The following COL19A1 variants were observed in gnomAD, a reference collection of about 807,000 sequenced individuals.
The protein encoded by COL19A1 is collagen type XIX alpha 1 chain, also known as collagen alpha-1(XIX) chain.
COL19A1 carries 159 observed loss-of-function variants against 190.2 expected under a neutral mutation model. The observed-to-expected ratio is 0.84, with a 90% confidence interval of 0.73 to 0.95. The LOEUF is 0.95. Ranked by LOEUF, COL19A1 falls within the 40% of genes least tolerant of loss-of-function variation. The probability of loss-of-function intolerance (pLI) is 0.00; values close to 1 mark genes in which losing one functional copy is unlikely to be tolerated. For missense variants in COL19A1, 1,418 were observed against 1,431.9 expected (o/e 0.99, Z 0.16); for synonymous variants, 509 against 458.9 (o/e 1.11, Z -1.39).
intron 14 of COL19A1, among the ~76,000 whole-genome samples, chr6:70,063,448 A>C (rs1780970009): frequency 1.3e-5 from 2 of 152,216 alleles, no homozygotes; most frequent in Admixed American, 1.3e-4. Context: ...ACAAAGACAC[A>C]ACATACCAGA....
intron 15 of COL19A1, among the ~76,000 whole-genome samples, chr6:70,073,944 A>T (rs376935198): frequency 1.5e-4 from 23 of 152,360 alleles, no homozygotes; most frequent in African/African-American, 5.3e-4. Context: ...GTAATGAATT[A>T]TGTTATTAAT....
intron 12 of COL19A1, 53 bp from the exon 13 acceptor site, chr6:70,034,192 G>C: frequency 1.6e-6 from 2 of 1,241,644 alleles, no homozygotes; most frequent in Non-Finnish European, 2.4e-6. Context: ...CTAATGACTT[G>C]TTAGAAATTA....
intron 20 of COL19A1, among the ~76,000 whole-genome samples, 198 bp from the exon 21 acceptor site, chr6:70,141,695 G>A (rs998748169): frequency 6.6e-6 from 1 of 151,974 alleles, no homozygotes; most frequent in African/African-American, 2.4e-5. Context: ...TTATAATGAA[G>A]AAATCAAGAA....
At chr6:69,960,857 T>C (rs1774749533) in intron 10 of COL19A1, among the ~76,000 whole-genome samples, 1 of 151,996 alleles carries the variant, frequency 6.6e-6, no homozygotes, top group Admixed American at 6.6e-5. Flanking sequence ...GGTCTCGATC[T>C]CCTGACCTCG....
chr6:70,160,364 A>G (rs991372819), intron 34 of COL19A1, among the ~76,000 whole-genome samples: 1 of 152,084 alleles, frequency 6.6e-6, no homozygotes, highest in Non-Finnish European at 1.5e-5. Flanking sequence ...CACCCCCATG[A>G]TCCAATCACC....
At chr6:69,927,501 G>A (rs1772476236) in intron 4 of COL19A1, among the ~76,000 whole-genome samples, 1 of 152,118 alleles carries the variant, frequency 6.6e-6, no homozygotes, top group Admixed American at 6.6e-5. Flanking sequence ...AATTTAATAT[G>A]AAAAAGTTTC....
At chr6:69,968,311 C>CTGT (rs1355694294) in intron 11 of COL19A1, among the ~76,000 whole-genome samples, 2 of 152,038 alleles carry the variant, frequency 1.3e-5, no homozygotes, top group African/African-American at 2.4e-5. Flanking sequence ...TCTTGTTATT[C>CTGT]TGTTGCTTTT....
At chr6:70,048,717 T>C (rs1415101401) in intron 14 of COL19A1, among the ~76,000 whole-genome samples, 1 of 152,156 alleles carries the variant, frequency 6.6e-6, no homozygotes, top group Non-Finnish European at 1.5e-5. Flanking sequence ...AATCAGTTAA[T>C]TGGAATTAAT....
chr6:69,983,904 A>AT (rs956445713), intron 11 of COL19A1, among the ~76,000 whole-genome samples: 9 of 151,524 alleles, frequency 5.9e-5, no homozygotes, highest in Admixed American at 2.0e-4. Flanking sequence ...AAAATTTAAG[A>AT]TTTTTTTTTC....
intron 11 of COL19A1, among the ~76,000 whole-genome samples, chr6:69,987,887 A>T (rs1316047993): frequency 1.3e-5 from 2 of 152,188 alleles, no homozygotes; most frequent in Non-Finnish European, 2.9e-5. Context: ...TTACAGTAAA[A>T]GGGAAATGTG....
At chr6:70,156,589 T>A (rs1482430031) in intron 33 of COL19A1, 81 bp from the exon 34 acceptor site, 9 of 1,449,408 alleles carry the variant, frequency 6.2e-6, no homozygotes, top group Non-Finnish European at 7.6e-6. Context: ...ATGCCCCAAG[T>A]GTTCTTAGAA....
At position 70,034,243 on chromosome 6, in the gene COL19A1, A is replaced by T; in HGVS notation, c.1081-2A>T. 1 of 1,606,992 alleles carries T rather than the reference A, an allele frequency of 6.2e-7. No homozygotes were observed. Among genetic ancestry groups the T allele is most frequent in the Non-Finnish European group, 8.5e-7 (1 of 1,173,464 alleles). On this transcript the variant is annotated splice_acceptor_variant, in intron 12 of 50. Coordinates refer to ENST00000620364, the MANE Select transcript of COL19A1 (RefSeq NM_001858.6). LOFTEE classifies it high-confidence loss of function. ...TGTGTATTGGTTATATTCTTTCTACAGGGTTTGAAAGGTGACTTGGGTCCT... is the reference window on the plus strand; with the variant it reads ...TGTGTATTGGTTATATTCTTTCTACTGGGTTTGAAAGGTGACTTGGGTCCT...
At chr6:69,918,077 C>T (rs1771429732) in intron 4 of COL19A1, among the ~76,000 whole-genome samples, 1 of 151,988 alleles carries the variant, frequency 6.6e-6, no homozygotes, top group African/African-American at 2.4e-5. Context: ...CTGGGTGCCA[C>T]ACAGAGACTG....
intron 11 of COL19A1, among the ~76,000 whole-genome samples, chr6:70,005,112 T>TA (rs1196493521): frequency 6.6e-6 from 1 of 152,042 alleles, no homozygotes; most frequent in Non-Finnish European, 1.5e-5. Flanking sequence ...GATTACAGCA[T>TA]ACTTTTTTAT....
chr6:70,049,050 A>G (rs1318689087), intron 14 of COL19A1, among the ~76,000 whole-genome samples: 11 of 151,920 alleles, frequency 7.2e-5, no homozygotes, highest in African/African-American at 2.4e-4. Flanking sequence ...ATAAATGTAT[A>G]TATTATAGCA....
At chr6:70,082,514 G>A (rs1476127208) in intron 15 of COL19A1, among the ~76,000 whole-genome samples, 1 of 152,140 alleles carries the variant, frequency 6.6e-6, no homozygotes, top group African/African-American at 2.4e-5. Context: ...CCGGGTTCAA[G>A]CGATTCTCCT....
intron 14 of COL19A1, among the ~76,000 whole-genome samples, chr6:70,052,439 C>T (rs192017897): frequency 6.6e-6 from 1 of 152,302 alleles, no homozygotes; most frequent in Non-Finnish European, 1.5e-5. Context: ...CAAATATTAG[C>T]AAATGTTGCT....
At chr6:69,924,884 C>T (rs902159435) in intron 4 of COL19A1, among the ~76,000 whole-genome samples, 3 of 152,280 alleles carry the variant, frequency 2.0e-5, no homozygotes, top group African/African-American at 7.2e-5. Context: ...TAAATGTCTT[C>T]TTTTGAGAAG....
Position 69,981,148 on chromosome 6 carries a change from T to A in COL19A1, c.1026+18278T>A, listed in dbSNP as rs531765954. 2.0e-5 allele frequency among the ~76,000 whole-genome samples: 3 copies of A among 152,298 alleles called. No homozygotes were observed. In the East Asian group the frequency reaches 5.8e-4, roughly 29 times the overall value. ...GCTCACAGAGTTGGCACACAAATGT[T>A]ATAACATAGTATTACTTGTTAGGTA... On this transcript the variant is annotated intron_variant, in intron 11 of 50. Coordinates refer to ENST00000620364, the MANE Select transcript of COL19A1 (RefSeq NM_001858.6).
Sources: allele counts gnomAD v4.1 joint callset (sites outside exome capture counted in the v4.1 genomes callset), GRCh38; gene constraint gnomAD v4.1.1; transcripts MANE v1.5; gene names NCBI Gene and HGNC (gene_info 2026-07-23, HGNC 2026-07-21).